SHANK1: variants seen among roughly 807,000 people sequenced by gnomAD.
The protein encoded by SHANK1 is SH3 and multiple ankyrin repeat domains 1.
A neutral mutation model predicts 165.6 loss-of-function variants in SHANK1; 35 were observed. The ratio of observed to expected loss-of-function variants is 0.21; its 90% confidence interval spans 0.16 to 0.28. The LOEUF (loss-of-function observed/expected upper bound fraction) is 0.28, where lower values mean the gene tolerates loss of function less well. SHANK1 is among the 10% of genes least tolerant of loss of function. SHANK1 has a pLI of 1.00. For missense variants in SHANK1, 2,681 were observed against 3,036.4 expected, an observed-to-expected ratio of 0.88 and a Z score of 2.75; for synonymous variants, 1,428 against 1,384.8, an observed-to-expected ratio of 1.03 and a Z score of -0.69.
chr19:50,668,169 TC>T lies in SHANK1; in HGVS notation c.3790del (p.Asp1264ThrfsTer79), dbSNP rs1161121309. The T allele has an allele frequency of 6.8e-7, 1 of 1,466,518 alleles. No homozygotes were observed. Among genetic ancestry groups the T allele is most frequent in the Non-Finnish European group, 8.9e-7 (1 of 1,118,268 alleles). 90.8% of individuals were successfully genotyped at this position (1,466,518 alleles called of 1,614,324 possible). A position where few individuals can be genotyped will look rare whatever the true frequency, so the allele number is the denominator to read the frequency against. ...CAGCCCGCCGTCCCCGCCGTCCTCG[TC>T]CCCCGCGTCGGTGGACAGGAACAGC... is the stretch of plus-strand genomic sequence containing the variant. The part of the protein sequence containing the change: ...STLFLSTDAG[D>X]EDGGDGGLGT... On this transcript the variant is annotated frameshift_variant, in exon 23 of 24. Coordinates refer to ENST00000293441, the MANE Select transcript of SHANK1 (RefSeq NM_016148.5). LOFTEE classifies it high-confidence loss of function.
At position 50,660,168 on chromosome 19, in the gene SHANK1, G is replaced by C. The variant is rs1053680504; in HGVS notation, c.*1797C>G. On this transcript the variant is annotated 3_prime_UTR_variant, in exon 24 of 24. Transcript: ENST00000293441. The stretch of plus-strand genomic sequence containing the variant: ...CCTCCCCCCTTTACCCACAGCAGGG[G>C]AGGGGGCTTTTCAGGGGGAGGGGTG... Among the ~76,000 whole-genome samples, 8 of 152,032 alleles carry C rather than the reference G, an allele frequency of 5.3e-5. No homozygotes were observed.
At position 50,703,791 on chromosome 19, in the gene SHANK1, C is replaced by G; in HGVS notation, c.1262G>C (p.Arg421Pro). 7.0e-7 allele frequency: 1 copy of G among 1,426,928 alleles called. No individual in the cohort carries two copies. The allele number at this position is 1,426,928 out of a possible 1,614,324, so 88.4% of individuals were successfully genotyped here. ...CGTCAGCCCTGTGCCTGGGGGCCCC[C>G]GTCGCCGGGCCGCGTACTTGGGGGA... ...QESPKYAARR[R>P]GPPGTGLTVP... Residue 421 changes from arginine (R) to proline (P), a missense_variant, in exon 11 of 24, where the codon CGG becomes CCG. Arg to Pro is a moderately radical substitution (Grantham distance 103). Transcript: ENST00000293441.
At chr19:50,707,194 A>G (rs4801849) in intron 8 of SHANK1, among the ~76,000 whole-genome samples, 48,882 of 152,080 alleles carry the variant, frequency 0.32, 8,370 homozygotes, top group South Asian at 0.53. Context: ...TATTTGTCTC[A>G]GTAGTGTCTC....
rs1360502788 is a variant in SHANK1, at chr19:50,688,954, C to T, written c.2062G>A (p.Glu688Lys). ...LRGAKAQTPI[E>K]EFTPTPAFPA... The stretch of plus-strand genomic sequence containing the variant: ...AAGGCCGGGGTGGGGGTGAACTCCT[C>T]GATGGGGGTCTGCGCTGCAGACAGG... The change falls in exon 17 of 24, where the codon GAG becomes AAG. Residue 688 changes from glutamate to lysine, a missense_variant. By Grantham distance (56) the Glu-to-Lys change is moderately conservative. Coordinates refer to ENST00000293441, the MANE Select transcript of SHANK1 (RefSeq NM_016148.5). This position sits in a 1 kb window ranked among gnomAD's most constrained non-coding sequence, Gnocchi z 6.7. 20 of 1,549,292 alleles carry T rather than the reference C, an allele frequency of 1.3e-5. No individual in the cohort carries two copies. The highest frequency in any genetic ancestry group is 2.7e-5 in the African/African-American group (2 of 72,794).
chr19:50,701,978 A>G (rs1986929710), intron 12 of SHANK1, among the ~76,000 whole-genome samples: 1 of 152,176 alleles, frequency 6.6e-6, no homozygotes, highest in Non-Finnish European at 1.5e-5. Flanking sequence ...CCCTAGAAGT[A>G]GGTCCCTGCC....
rs1985127720 is a variant in SHANK1 at position 50,659,942 on chromosome 19, C to T, written c.*2023G>A. ...TCTGCCCCTCTCTCACCACCCCTCC[C>T]CCCTCCCACGACCCTCCCACGAGGT... On this transcript the variant is annotated 3_prime_UTR_variant, in exon 24 of 24. Transcript: ENST00000293441. Among the ~76,000 whole-genome samples the T allele has an allele frequency of 6.6e-6, 1 of 151,078 alleles. No individual in the cohort carries two copies.
rs1986768450 is a variant in SHANK1, at chr19:50,697,168, G to C, written c.1938-46C>G. 1 of 1,613,770 alleles carries C rather than the reference G, an allele frequency of 6.2e-7. No individual in the cohort carries two copies. The highest frequency in any genetic ancestry group is 8.5e-7 in the Non-Finnish European group (1 of 1,179,924). On this transcript the variant is annotated intron_variant, in intron 14 of 23. Coordinates refer to ENST00000293441, the MANE Select transcript of SHANK1 (RefSeq NM_016148.5). The surrounding 1 kb of genome is among the most constrained non-coding windows in gnomAD (Gnocchi z 4.7). ...GCAGCCAGGGAGGGGAAAGGTGTCAGTGCACCCATCTCCTCACCCCAATCC... is the reference window on the plus strand; with the variant it reads ...GCAGCCAGGGAGGGGAAAGGTGTCACTGCACCCATCTCCTCACCCCAATCC...
intron 21 of SHANK1, among the ~76,000 whole-genome samples, chr19:50,683,661 G>T (rs1026463653): frequency 2.6e-5 from 4 of 152,072 alleles, no homozygotes; most frequent in Admixed American, 6.6e-5. Context: ...TAAACAGACC[G>T]AGAAAAGACA....
rs918306727 is a variant in SHANK1, at chr19:50,686,543, G to A, written c.2459-188C>T. On this transcript the variant is annotated intron_variant, in intron 20 of 23. Transcript: ENST00000293441. This position sits in a 1 kb window ranked among gnomAD's most constrained non-coding sequence, Gnocchi z 5.7. Reference sequence around the variant, plus strand: ...GAGACACAATCTCCCAGCCCAGTGGGCAGCACCCAGGGTGGGAAGGGGTGC... The same window carrying A: ...GAGACACAATCTCCCAGCCCAGTGGACAGCACCCAGGGTGGGAAGGGGTGC... Among the ~76,000 whole-genome samples the A allele has an allele frequency of 6.6e-6, 1 of 152,106 alleles. No homozygotes were observed. Among genetic ancestry groups the A allele is most frequent in the Non-Finnish European group, 1.5e-5 (1 of 68,004 alleles).
intron 22 of SHANK1, among the ~76,000 whole-genome samples, chr19:50,669,606 C>G (rs1254551081): frequency 4.6e-5 from 7 of 152,152 alleles, no homozygotes; most frequent in Admixed American, 3.3e-4. Context: ...TTGGGGCCAG[C>G]AAAAGTGGCT....
chr19:50,663,045 G>C (rs532694586), intron 23 of SHANK1: 2 of 305,040 alleles, frequency 6.6e-6, no homozygotes, highest in South Asian at 7.2e-5. Context: ...CCCCACGACA[G>C]CCCTGATGCA....
intron 21 of SHANK1, among the ~76,000 whole-genome samples, chr19:50,683,291 A>C (rs1162431387): frequency 4.6e-5 from 7 of 152,184 alleles, no homozygotes; most frequent in African/African-American, 9.7e-5. Flanking sequence ...AGGCTTCCAC[A>C]ACAAAGAATT....
rs1329102731 is a variant in SHANK1 at position 50,699,809 on chromosome 19, GGAGGGATTGGGGCATTAGAGGATTA to G, written c.1748-1878_1748-1854del. Among the ~76,000 whole-genome samples the G allele has an allele frequency of 3.3e-3, 508 of 151,900 alleles. 15 individuals carry two copies. The highest frequency in any genetic ancestry group is 0.029 in the Admixed American group (438 of 15,138). On this transcript the variant is annotated intron_variant, in intron 12 of 23. Coordinates refer to ENST00000293441, the MANE Select transcript of SHANK1 (RefSeq NM_016148.5). ...GGAGGGCTTGGGGCTTTGGGAGATT[GGAGGGATTGGGGCATTAGAGGATTA>G]GAGGGTTTGGGGCATTGGAGGATTG...
intron 5 of SHANK1, 38 bp downstream of exon 5, chr19:50,714,144 C>T (rs2089041727): frequency 6.3e-7 from 1 of 1,594,484 alleles, no homozygotes; most frequent in East Asian, 2.2e-5. Flanking sequence ...CAGCTCTGTC[C>T]TGGCCCTGAG....
chr19:50,695,433 A>C (rs2123154976), intron 15 of SHANK1, among the ~76,000 whole-genome samples: 1 of 127,870 alleles, frequency 7.8e-6, no homozygotes, highest in Non-Finnish European at 1.7e-5. Flanking sequence ...CGGGAGGGGA[A>C]CGCGGGGGCC....
intron 22 of SHANK1, 69 bp downstream of exon 22, chr19:50,671,948 CT>C: frequency 8.6e-7 from 1 of 1,159,154 alleles, no homozygotes; most frequent in Non-Finnish European, 1.3e-6. Context: ...TCCAAGTCTG[CT>C]TGCTTTTCCT....
Position 50,659,499 on chromosome 19 carries a change from G to A in SHANK1, c.*2466C>T, listed in dbSNP as rs62112521. Among the ~76,000 whole-genome samples the A allele has an allele frequency of 0.87, 131,194 of 151,272 alleles. 57,880 individuals are homozygous for A. The highest frequency in any genetic ancestry group is 0.98 in the African/African-American group (40,271 of 41,272). ...GAAGACCTGGGCACCGGGGCTTTCA[G>A]CGCGTGCCGAGCCCTGTCTCAGCGA... On this transcript the variant is annotated 3_prime_UTR_variant, in exon 24 of 24. Transcript: ENST00000293441.
chr19:50,714,401 T>C, intron 4 of SHANK1, 111 bp from the exon 5 acceptor site: 2 of 872,340 alleles, frequency 2.3e-6, no homozygotes, highest in South Asian at 1.6e-5. Flanking sequence ...ACATACGCCA[T>C]TGAAAAGCTT....
intron 4 of SHANK1, among the ~76,000 whole-genome samples, chr19:50,715,396 G>C (rs1355043016): frequency 6.6e-6 from 1 of 152,038 alleles, no homozygotes; most frequent in Non-Finnish European, 1.5e-5. Flanking sequence ...AGGAGGCCAG[G>C]TGGGAATGAT....
Sources: gnomAD v4.1 joint callset for allele counts (sites outside exome capture counted in the v4.1 genomes callset) on GRCh38, gnomAD v4.1.1 for gene constraint, Gnocchi (gnomAD v3.1) non-coding constraint, MANE v1.5 for transcripts, NCBI Gene and HGNC (gene_info 2026-07-23, HGNC 2026-07-21) for gene names.